The following SDK1 variants were observed in gnomAD, a reference collection of about 807,000 sequenced individuals.
The protein encoded by SDK1 is sidekick cell adhesion molecule 1.
In SDK1, 157 loss-of-function variants were observed where a neutral mutation model predicts 245.5. The ratio of observed to expected loss-of-function variants is 0.64; its 90% CI spans 0.56 to 0.73. The LOEUF (loss-of-function observed/expected upper bound fraction) is 0.73. Ranked by LOEUF, SDK1 falls within the 30% of genes least tolerant of loss-of-function variation. The pLI, the probability that SDK1 is intolerant of heterozygous loss-of-function variation, is 0.00. For synonymous variants in SDK1, 1,647 were observed against 1,278.5 expected (o/e 1.29, Z -6.15); for missense variants, 3,583 against 3,002.3 (o/e 1.19, Z -4.52).
At position 3,595,496 on chromosome 7, in the gene SDK1, G is replaced by A. The variant is rs17133589; in HGVS notation, c.299-23584G>A. ...CATTTTTGAAACAGAAACATAAACT[G>A]TTGCCTCCGATATATTTAATAAAAC... is the stretch of plus-strand genomic sequence containing the variant. On this transcript the variant is annotated intron_variant, in intron 1 of 44. Coordinates refer to ENST00000404826, the MANE Select transcript of SDK1 (RefSeq NM_152744.4). 7.2e-5 allele frequency among the ~76,000 whole-genome samples: 11 copies of A among 152,088 alleles called. No individual in the cohort carries two copies. In the South Asian group the frequency reaches 2.3e-3, roughly 32 times the overall value.
chr7:4,159,572 GT>G (rs1255104225), intron 31 of SDK1, among the ~76,000 whole-genome samples: 1 of 152,228 alleles, frequency 6.6e-6, no homozygotes, highest in Admixed American at 6.5e-5. Flanking sequence ...AATCCTGGGA[GT>G]TTATTGGAGC....
chr7:3,905,350 T>G (rs544797988), intron 5 of SDK1, among the ~76,000 whole-genome samples: 1 of 152,368 alleles, frequency 6.6e-6, no homozygotes, highest in African/African-American at 2.4e-5. Flanking sequence ...ACTCTCATTC[T>G]TGAATGATAG....
At chr7:3,633,820 G>T (rs1183137338) in intron 2 of SDK1, among the ~76,000 whole-genome samples, 1 of 152,048 alleles carries the variant, frequency 6.6e-6, no homozygotes, top group South Asian at 2.1e-4. Context: ...CTTAGAATCA[G>T]CCTGGAGATT....
intron 1 of SDK1, among the ~76,000 whole-genome samples, chr7:3,420,440 G>T (rs889834298): frequency 1.3e-5 from 2 of 152,122 alleles, no homozygotes; most frequent in African/African-American, 4.8e-5. Context: ...TCATTTTACT[G>T]TATATGAAAG....
At chr7:4,070,401 G>A (rs929234404) in intron 20 of SDK1, among the ~76,000 whole-genome samples, 3 of 152,154 alleles carry the variant, frequency 2.0e-5, no homozygotes, top group East Asian at 1.9e-4. Flanking sequence ...GCTCTGACCC[G>A]GAAATGGAGC....
intron 1 of SDK1, among the ~76,000 whole-genome samples, chr7:3,607,402 T>C (rs911332461): frequency 1.3e-5 from 2 of 152,210 alleles, no homozygotes; most frequent in African/African-American, 4.8e-5. Context: ...AAACCGACTA[T>C]ACTATATATT....
At chr7:3,767,322 G>T (rs1047899115) in intron 4 of SDK1, among the ~76,000 whole-genome samples, 3 of 152,064 alleles carry the variant, frequency 2.0e-5, no homozygotes, top group East Asian at 1.9e-4. Context: ...TTGAAATTGT[G>T]TCTAAGGGGA....
chr7:3,516,136 T>C (rs1162517563), intron 1 of SDK1, among the ~76,000 whole-genome samples: 1 of 150,960 alleles, frequency 6.6e-6, no homozygotes, highest in Non-Finnish European at 1.5e-5. Flanking sequence ...TTTTTTGGTA[T>C]ACTCAAAAAT....
At chr7:3,818,017 T>C (rs1165506541) in intron 4 of SDK1, among the ~76,000 whole-genome samples, 3 of 152,364 alleles carry the variant, frequency 2.0e-5, no homozygotes, top group African/African-American at 7.2e-5. Flanking sequence ...GCTTGTTCTT[T>C]ATGATGTAGC....
intron 40 of SDK1, chr7:4,227,238 C>A: frequency 5.5e-6 from 2 of 366,116 alleles, no homozygotes; most frequent in African/African-American, 2.1e-5. Flanking sequence ...TCTGATGGTG[C>A]CCGGTCCCCT....
intron 4 of SDK1, among the ~76,000 whole-genome samples, chr7:3,814,643 T>A (rs12540246): frequency 0.23 from 34,352 of 151,928 alleles, 4,132 homozygotes; most frequent in Middle Eastern, 0.38. Context: ...TTTCCAATTC[T>A]GTGAAGAAAG....
At chr7:4,159,221 G>A (rs925681393) in intron 31 of SDK1, among the ~76,000 whole-genome samples, 4 of 152,152 alleles carry the variant, frequency 2.6e-5, no homozygotes, top group East Asian at 1.9e-4. Context: ...TCCATTTAAC[G>A]CTCCAGTGGA....
chr7:3,840,463 A>T lies in SDK1; in HGVS notation c.847+18880A>T, dbSNP rs563733583. Among the ~76,000 whole-genome samples, 52 of 152,338 alleles carry T rather than the reference A, an allele frequency of 3.4e-4. 1 individual carries two copies. Among genetic ancestry groups the T allele is most frequent in the African/African-American group, 1.3e-3 (52 of 41,588 alleles). ...TAATACACAGCCAGGGTTGTGAATTATCGGACTAAACTCACAGAGTGGTCC... is the reference window on the plus strand; with the variant it reads ...TAATACACAGCCAGGGTTGTGAATTTTCGGACTAAACTCACAGAGTGGTCC... On this transcript the variant is annotated intron_variant, in intron 5 of 44. Coordinates refer to ENST00000404826, the MANE Select transcript of SDK1 (RefSeq NM_152744.4).
At chr7:4,078,957 T>A (rs1780878182) in intron 21 of SDK1, among the ~76,000 whole-genome samples, 2 of 152,058 alleles carry the variant, frequency 1.3e-5, no homozygotes, top group East Asian at 3.9e-4. Context: ...TGACCGGGTG[T>A]CACGTCGCCT....
chr7:4,088,468 C>T (rs939484616), intron 22 of SDK1, among the ~76,000 whole-genome samples: 1 of 151,918 alleles, frequency 6.6e-6, no homozygotes, highest in African/African-American at 2.4e-5. Context: ...ATGACATTTA[C>T]ACCATTGATG....
chr7:3,303,801 T>C lies in SDK1; in HGVS notation c.298+1917T>C, dbSNP rs536872341. Among the ~76,000 whole-genome samples the C allele has an allele frequency of 9.2e-5, 14 of 152,330 alleles. 1 individual carries two copies. The South Asian group carries it at 2.9e-3, about 32-fold the overall frequency. On this transcript the variant is annotated intron_variant, in intron 1 of 44. Transcript: ENST00000404826. Reference sequence around the variant, plus strand: ...TCATATTACAGAGGAGATGTCACCATTTGACAAAAGCTCATGTATCTTGAA... The same window carrying C: ...TCATATTACAGAGGAGATGTCACCACTTGACAAAAGCTCATGTATCTTGAA...
At chr7:4,201,598 A>G (rs1469579493) in intron 35 of SDK1, among the ~76,000 whole-genome samples, 1 of 152,246 alleles carries the variant, frequency 6.6e-6, no homozygotes, top group African/African-American at 2.4e-5. Context: ...GGCATGGTCT[A>G]TCCTGGTCCA....
intron 35 of SDK1, among the ~76,000 whole-genome samples, chr7:4,179,439 G>A (rs2128219318): frequency 6.6e-6 from 1 of 152,196 alleles, no homozygotes; most frequent in Admixed American, 6.5e-5. Flanking sequence ...CCAGAGGAGG[G>A]AAACACATCA....
chr7:3,836,314 T>A (rs1410886126), intron 5 of SDK1, among the ~76,000 whole-genome samples: 1 of 152,250 alleles, frequency 6.6e-6, no homozygotes, highest in African/African-American at 2.4e-5. Context: ...AACTTATGTA[T>A]AAGTCACATA....
Sources: gnomAD v4.1 joint callset for allele counts (sites outside exome capture counted in the v4.1 genomes callset) on GRCh38, gnomAD v4.1.1 for gene constraint, MANE v1.5 for transcripts, NCBI Gene and HGNC (gene_info 2026-07-23, HGNC 2026-07-21) for gene names.